Variants in RBL1 observed in about 807,000 individuals in gnomAD.
The protein encoded by RBL1 is RB transcriptional corepressor like 1.
Under a neutral mutation model 123.0 loss-of-function variants are expected in RBL1, and 82 were observed. That is an observed-to-expected ratio of 0.67 (90% confidence interval 0.56 to 0.80). The LOEUF (loss-of-function observed/expected upper bound fraction) is 0.80. Among genes scored for constraint, RBL1 ranks in the 30% least tolerant of loss-of-function variants. The pLI, the probability that RBL1 is intolerant of heterozygous loss-of-function variation, is 0.00. For synonymous variants in RBL1, 405 were observed against 441.3 expected, an observed-to-expected ratio of 0.92 and a Z score of 1.03; for missense variants, 1,171 against 1,299.6, an observed-to-expected ratio of 0.90 and a Z score of 1.52.
intron 21 of RBL1, 32 bp downstream of exon 21, chr20:37,003,670 C>G (rs1372530496): frequency 6.5e-7 from 1 of 1,538,234 alleles, no homozygotes; most frequent in Non-Finnish European, 8.8e-7. Flanking sequence ...GACTGTTAAT[C>G]TGAAATCCAA....
chr20:37,011,040 T>C (rs895702802), intron 19 of RBL1, among the ~76,000 whole-genome samples: 5 of 151,996 alleles, frequency 3.3e-5, no homozygotes, highest in South Asian at 2.1e-4. Flanking sequence ...TGCTGGTCTT[T>C]AATTTCCGGG....
At chr20:37,065,295 C>A (rs770823813) in intron 7 of RBL1, 129 bp downstream of exon 7, 3 of 617,620 alleles carry the variant, frequency 4.9e-6, no homozygotes, top group Non-Finnish European at 8.3e-6. Flanking sequence ...ACATTCAATG[C>A]CACTAAAGCA....
chr20:37,067,942 G>C (rs1200354403), intron 3 of RBL1, 44 bp downstream of exon 3: 4 of 1,577,922 alleles, frequency 2.5e-6, no homozygotes, highest in Non-Finnish European at 2.6e-6. Context: ...CTCTTAGTTT[G>C]TATCATAATC....
chr20:37,090,747 T>G (rs1003992709), intron 1 of RBL1, among the ~76,000 whole-genome samples: 1 of 152,226 alleles, frequency 6.6e-6, no homozygotes, highest in Admixed American at 6.5e-5. Context: ...GTTTCTAGGC[T>G]ACAAACCTGT....
chr20:37,010,048 A>G (rs2064127429), intron 19 of RBL1, among the ~76,000 whole-genome samples: 1 of 151,762 alleles, frequency 6.6e-6, no homozygotes, highest in Non-Finnish European at 1.5e-5. Context: ...AAACTGAAGA[A>G]AAAAAAGACA....
intron 20 of RBL1, among the ~76,000 whole-genome samples, chr20:37,006,767 G>A (rs1423835356): frequency 6.7e-6 from 1 of 149,374 alleles, no homozygotes. Context: ...TTGAGCCCGG[G>A]AGGCAGAGGT....
chr20:37,002,126 G>C (rs1412841882), intron 21 of RBL1, among the ~76,000 whole-genome samples: 2 of 151,958 alleles, frequency 1.3e-5, no homozygotes, highest in South Asian at 2.1e-4. Flanking sequence ...TCTGCCTCCT[G>C]GGCTCAAGCT....
chr20:37,051,749 A>C (rs1242007078), intron 11 of RBL1, among the ~76,000 whole-genome samples: 1 of 152,118 alleles, frequency 6.6e-6, no homozygotes, highest in East Asian at 1.9e-4. Context: ...GAAAACAAAA[A>C]TAAAATGGCA....
intron 2 of RBL1, among the ~76,000 whole-genome samples, chr20:37,076,588 A>G (rs2065367331): frequency 1.3e-5 from 2 of 152,358 alleles, no homozygotes; most frequent in Non-Finnish European, 2.9e-5. Flanking sequence ...ACCATACACA[A>G]TTTAAAACTT....
chr20:37,015,969 G>A (rs1211892058), intron 19 of RBL1, among the ~76,000 whole-genome samples: 1 of 147,652 alleles, frequency 6.8e-6, no homozygotes, highest in African/African-American at 2.5e-5. Context: ...TGATCCACCC[G>A]CCTCGGCCTC....
intron 9 of RBL1, among the ~76,000 whole-genome samples, chr20:37,059,351 C>T (rs1160589998): frequency 6.6e-6 from 1 of 152,166 alleles, no homozygotes; most frequent in Non-Finnish European, 1.5e-5. Flanking sequence ...CAGGGCTTCG[C>T]TTTGTCTTCT....
chr20:37,052,377 G>A (rs529634398), intron 11 of RBL1, among the ~76,000 whole-genome samples: 2 of 151,982 alleles, frequency 1.3e-5, no homozygotes, highest in African/African-American at 2.4e-5. Flanking sequence ...TGTCTTCCAC[G>A]TGGGAGTGCA....
At chr20:37,012,264 G>A (rs1295272438) in intron 19 of RBL1, among the ~76,000 whole-genome samples, 8 of 152,226 alleles carry the variant, frequency 5.3e-5, no homozygotes, top group Admixed American at 4.6e-4. Flanking sequence ...TGCCGAGATT[G>A]CAGCCTCTGC....
At position 37,058,123 on chromosome 20, in the gene RBL1, AAAAAAACAAAACAAAAC is replaced by A. The variant is rs1428368866; in HGVS notation, c.1251-1882_1251-1866del. On this transcript the variant is annotated intron_variant, in intron 9 of 21. Transcript: ENST00000373664. ...AAGGGCGAAACTCTGTCTAAAAAAA[AAAAAAACAAAACAAAAC>A]AAAAAAAAAAAAGCCTATTCCAGGG... 9.1e-3 allele frequency among the ~76,000 whole-genome samples: 1,327 copies of A among 146,538 alleles called. 41 individuals are homozygous for A. Among genetic ancestry groups the A allele is most frequent in the African/African-American group, 0.032 (1,253 of 39,522 alleles).
chr20:37,011,293 C>A (rs1271829402), intron 19 of RBL1, among the ~76,000 whole-genome samples: 1 of 152,168 alleles, frequency 6.6e-6, no homozygotes, highest in Non-Finnish European at 1.5e-5. Context: ...AGTCTGCTAA[C>A]ATGACATTGA....
chr20:37,085,132 CT>C (rs1212338574), intron 2 of RBL1, among the ~76,000 whole-genome samples: 1,535 of 132,958 alleles, frequency 0.012, 16 homozygotes, highest in African/African-American at 0.037. Context: ...CTTTTCTTTT[CT>C]TTTTTTTTTT....
At chr20:37,081,078 G>A (rs2065441163) in intron 2 of RBL1, among the ~76,000 whole-genome samples, 1 of 152,106 alleles carries the variant, frequency 6.6e-6, no homozygotes, top group African/African-American at 2.4e-5. Flanking sequence ...ACCTTGTTAG[G>A]GAACCTTTGA....
chr20:37,086,648 A>C (rs2065551178), intron 2 of RBL1, among the ~76,000 whole-genome samples: 2 of 152,254 alleles, frequency 1.3e-5, no homozygotes, highest in African/African-American at 4.8e-5. Flanking sequence ...GAAACACAGG[A>C]ATAGCAAATA....
At chr20:37,074,002 A>G (rs190206199) in intron 2 of RBL1, among the ~76,000 whole-genome samples, 11 of 152,034 alleles carry the variant, frequency 7.2e-5, no homozygotes, top group African/African-American at 2.2e-4. Context: ...TCCCAGCTAC[A>G]TGGGAGGCTG....
Sources: allele counts gnomAD v4.1 joint callset (sites outside exome capture counted in the v4.1 genomes callset), GRCh38; gene constraint gnomAD v4.1.1; transcripts MANE v1.5; gene names NCBI Gene and HGNC (gene_info 2026-07-23, HGNC 2026-07-21).